Variants in UVRAG observed in about 807,000 individuals in gnomAD.
UVRAG encodes UV radiation resistance associated.
A neutral mutation model predicts 78.0 loss-of-function variants in UVRAG; 19 were observed. The observed-to-expected ratio is 0.24, with a 90% CI of 0.17 to 0.36. The LOEUF is 0.36. Ranked by LOEUF, UVRAG falls within the 10% of genes least tolerant of loss-of-function variation. The probability of loss-of-function intolerance (pLI) is 1.00; values close to 1 mark genes in which losing one functional copy is unlikely to be tolerated. For synonymous variants in UVRAG, 323 were observed against 324.6 expected (o/e 1.00, Z 0.05); for missense variants, 740 against 853.8 (o/e 0.87, Z 1.66).
intron 12 of UVRAG, among the ~76,000 whole-genome samples, chr11:76,018,405 T>TTTG (rs1358176170): frequency 1.3e-5 from 2 of 152,086 alleles, no homozygotes; most frequent in African/African-American, 2.4e-5. Context: ...CTGTGTTTTT[T>TTTG]TTGTTGTTGT....
At chr11:75,892,499 C>T (rs1332495310) in intron 5 of UVRAG, 3 of 772,096 alleles carry the variant, frequency 3.9e-6, no homozygotes, top group Admixed American at 6.2e-5. Flanking sequence ...AAACCTCACA[C>T]TTGGCCTTTC....
chr11:76,070,757 A>G (rs1354331425), intron 13 of UVRAG, among the ~76,000 whole-genome samples: 1 of 152,196 alleles, frequency 6.6e-6, no homozygotes, highest in African/African-American at 2.4e-5. Context: ...CAAAAGGACA[A>G]ATATTGTAGC....
rs1245755294 is a variant in UVRAG at position 75,828,799 on chromosome 11, ATATATATT to A, written c.117+13277_117+13284del. Among the ~76,000 whole-genome samples, 434 of 80,002 alleles carry A rather than the reference ATATATATT, an allele frequency of 5.4e-3. 5 individuals are homozygous for A. Among genetic ancestry groups the A allele is most frequent in the African/African-American group, 0.021 (407 of 19,816 alleles). The allele number at this position is 80,002 out of a possible 152,430, so 52.5% of individuals were successfully genotyped here. On this transcript the variant is annotated intron_variant, in intron 1 of 14. Transcript: ENST00000356136. ...TACACACATATATATATATATATAT[ATATATATT>A]TTTTTTTTTTTGTAGAGACAGGGTT...
intron 3 of UVRAG, among the ~76,000 whole-genome samples, chr11:75,862,057 A>T (rs1946431512): frequency 6.6e-6 from 1 of 152,212 alleles, no homozygotes; most frequent in African/African-American, 2.4e-5. Context: ...CACGTTGTGT[A>T]CATGTACCCT....
intron 12 of UVRAG, among the ~76,000 whole-genome samples, chr11:76,043,986 TCAGGCATAAAAATC>T (rs1355431676): frequency 6.6e-6 from 1 of 152,184 alleles, no homozygotes; most frequent in Non-Finnish European, 1.5e-5. Flanking sequence ...AATTTTATTT[TCAGGCATAAAAATC>T]CAGGGATCAG....
At chr11:76,009,966 A>AAAAC (rs35015871) in intron 11 of UVRAG, among the ~76,000 whole-genome samples, 20,103 of 152,066 alleles carry the variant, frequency 0.13, 3,389 homozygotes, top group African/African-American at 0.4. Flanking sequence ...AATACTCACA[A>AAAAC]AAACAAAGGG....
chr11:76,006,651 A>G (rs1348578260), intron 9 of UVRAG, among the ~76,000 whole-genome samples: 6 of 71,290 alleles, frequency 8.4e-5, no homozygotes, highest in Non-Finnish European at 1.5e-4. Context: ...TTAAAGTGAG[A>G]CCCCGTCTCA....
chr11:75,895,505 TTAAAA>T (rs545953230), intron 5 of UVRAG, among the ~76,000 whole-genome samples: 143 of 152,350 alleles, frequency 9.4e-4, no homozygotes, highest in African/African-American at 3.3e-3. Context: ...AAATTTTTCA[TTAAAA>T]TAAATACTGG....
rs142361074 is a variant in UVRAG at position 76,054,270 on chromosome 11, T to C, written c.1227-11440T>C. 4.3e-4 allele frequency among the ~76,000 whole-genome samples: 66 copies of C among 152,338 alleles called. 1 individual carries two copies. Among genetic ancestry groups the C allele is most frequent in the African/African-American group, 1.6e-3 (66 of 41,576 alleles). ...TCATAGAAGATCTGTCACCAGATCATGTTGGCTCTGTCTTCAAAATGAGAG... is the reference window on the plus strand; with the variant it reads ...TCATAGAAGATCTGTCACCAGATCACGTTGGCTCTGTCTTCAAAATGAGAG... On this transcript the variant is annotated intron_variant, in intron 12 of 14. Coordinates refer to ENST00000356136, the MANE Select transcript of UVRAG (RefSeq NM_003369.4).
At chr11:75,825,987 C>T (rs1945501397) in intron 1 of UVRAG, among the ~76,000 whole-genome samples, 1 of 151,812 alleles carries the variant, frequency 6.6e-6, no homozygotes, top group Non-Finnish European at 1.5e-5. Context: ...CAGGCGCCTG[C>T]CAGCACGCTC....
intron 12 of UVRAG, among the ~76,000 whole-genome samples, chr11:76,050,299 C>G (rs1950839008): frequency 6.6e-6 from 1 of 152,188 alleles, no homozygotes; most frequent in African/African-American, 2.4e-5. Context: ...ATACCTGAAT[C>G]TTGAAATCTT....
intron 13 of UVRAG, among the ~76,000 whole-genome samples, chr11:76,079,336 T>G (rs1951457831): frequency 6.6e-6 from 1 of 151,930 alleles, no homozygotes; most frequent in Admixed American, 6.6e-5. Flanking sequence ...ATTAAAAAAA[T>G]TATCCGGACA....
intron 4 of UVRAG, among the ~76,000 whole-genome samples, chr11:75,887,672 C>A (rs536090484): frequency 6.6e-5 from 10 of 151,454 alleles, no homozygotes; most frequent in Middle Eastern, 3.5e-3. Flanking sequence ...TGGTCTCGAT[C>A]TCCTGACCTC....
chr11:75,952,634 A>G (rs1948725409), intron 6 of UVRAG, among the ~76,000 whole-genome samples: 1 of 151,928 alleles, frequency 6.6e-6, no homozygotes, highest in South Asian at 2.1e-4. Flanking sequence ...ACTCAGATAA[A>G]CCCACTTGAT....
intron 7 of UVRAG, among the ~76,000 whole-genome samples, chr11:75,968,053 A>G (rs1949058446): frequency 6.6e-6 from 1 of 152,172 alleles, no homozygotes; most frequent in Admixed American, 6.5e-5. Flanking sequence ...CCAAAATCCA[A>G]AACACTCCAA....
chr11:75,830,070 C>T (rs1182506723), intron 1 of UVRAG, among the ~76,000 whole-genome samples: 1 of 151,938 alleles, frequency 6.6e-6, no homozygotes, highest in East Asian at 1.9e-4. Context: ...CAGCTCCTAA[C>T]CTCAAGTGAT....
chr11:76,033,890 G>T (rs964299726), intron 12 of UVRAG, among the ~76,000 whole-genome samples: 1 of 152,106 alleles, frequency 6.6e-6, no homozygotes, highest in African/African-American at 2.4e-5. Flanking sequence ...TCCTTTGCTT[G>T]TGAGAGTTTC....
At chr11:76,121,729 G>A (rs537330965) in intron 14 of UVRAG, among the ~76,000 whole-genome samples, 3 of 152,244 alleles carry the variant, frequency 2.0e-5, no homozygotes, top group Non-Finnish European at 2.9e-5. Flanking sequence ...TGTGACCTCC[G>A]TTCTTTACTT....
At chr11:75,894,004 C>T (rs1947282974) in intron 5 of UVRAG, among the ~76,000 whole-genome samples, 1 of 152,044 alleles carries the variant, frequency 6.6e-6, no homozygotes, top group Non-Finnish European at 1.5e-5. Context: ...TTTACCCATG[C>T]TGAATGATGC....
Sources: gnomAD v4.1 joint callset for allele counts (sites outside exome capture counted in the v4.1 genomes callset) on GRCh38, gnomAD v4.1.1 for gene constraint, MANE v1.5 for transcripts, NCBI Gene and HGNC (gene_info 2026-07-23, HGNC 2026-07-21) for gene names.